ANXA1: variants seen among roughly 807,000 people sequenced by gnomAD.
ANXA1 encodes the protein annexin A1, also known as annexin I (lipocortin I).
In ANXA1, 39 loss-of-function variants were observed where a neutral mutation model predicts 47.9. That is an observed-to-expected ratio of 0.81 (90% CI 0.63 to 1.06). ANXA1 has a LOEUF of 1.06. Among genes scored for constraint, ANXA1 ranks in the 50% least tolerant of loss-of-function variants. ANXA1 has a pLI of 0.00. For missense variants in ANXA1, 446 were observed against 422.7 expected (o/e 1.06, Z -0.48); for synonymous variants, 146 against 142.5 (o/e 1.02, Z -0.17).
At chr9:73,162,946 C>T (rs769780400) in intron 7 of ANXA1, 85 bp downstream of exon 7, 7 of 1,075,850 alleles carry the variant, frequency 6.5e-6, no homozygotes, top group Non-Finnish European at 5.5e-6. Flanking sequence ...AAGGGAATAT[C>T]TGAGGCTAGG....
chr9:73,154,281 G>T (rs749789735), intron 1 of ANXA1: 6 of 1,364,722 alleles, frequency 4.4e-6, no homozygotes, highest in South Asian at 3.4e-5. Context: ...AACTCCCTAA[G>T]GCTGGGGTGA....
At chr9:73,157,080 C>T (rs1300997332) in intron 1 of ANXA1, among the ~76,000 whole-genome samples, 1 of 152,076 alleles carries the variant, frequency 6.6e-6, no homozygotes, top group African/African-American at 2.4e-5. Context: ...TACAATTGCA[C>T]CTCTAGGCTT....
Position 73,158,926 on chromosome 9 carries a change from T to C in ANXA1, c.175+123T>C, listed in dbSNP as rs2811223. The C allele has an allele frequency of 2.5e-3, 2,016 of 821,870 alleles. 39 individuals are homozygous for C. The African/African-American group carries it at 0.032, about 13-fold the overall frequency. 50.9% of individuals were successfully genotyped at this position (821,870 alleles called of 1,614,324 possible). A position where few individuals can be genotyped will look rare whatever the true frequency, so the allele number is the denominator to read the frequency against. On this transcript the variant is annotated intron_variant, in intron 3 of 12. Transcript: ENST00000257497. ...TTCATTTTGAAGATAAAAACATTTC[T>C]TTGCCAAACGAAGATGTAATTATTT...
intron 1 of ANXA1, chr9:73,157,653 C>CAAAAAAAAAAAAAAAAAAAA (rs373035373): frequency 2.3e-5 from 1 of 42,634 alleles, no homozygotes. Flanking sequence ...GACTCCATCT[C>CAAAAAAAAAAAAAAAAAAAA]AAAAAAAAAA....
In ANXA1 at chr9:73,167,510, A is replaced by AAGCAAACC; in HGVS notation, c.820_827dup (p.Phe277AsnfsTer13). ...CTTCTCTAACAGTGAAGTGCGCCAC[A>AAGCAAACC]AGCAAACCAGCTTTCTTTGCAGAGA... On this transcript the variant is annotated frameshift_variant, in exon 11 of 13. Coordinates refer to ENST00000257497, the MANE Select transcript of ANXA1 (RefSeq NM_000700.3). LOFTEE classifies it high-confidence loss of function. The AAGCAAACC allele has an allele frequency of 6.2e-7, 1 of 1,613,482 alleles. No homozygotes were observed. Among genetic ancestry groups the AAGCAAACC allele is most frequent in the Non-Finnish European group, 8.5e-7 (1 of 1,179,552 alleles).
chr9:73,156,121 T>TAATA (rs1554673366), intron 1 of ANXA1, among the ~76,000 whole-genome samples: 8 of 140,078 alleles, frequency 5.7e-5, no homozygotes, highest in East Asian at 4.0e-4. Context: ...ATAATAATAA[T>TAATA]AATAAATAAA....
intron 9 of ANXA1, 148 bp from the exon 10 acceptor site, chr9:73,165,949 C>A: frequency 1.7e-6 from 1 of 574,324 alleles, no homozygotes; most frequent in Non-Finnish European, 3.1e-6. Flanking sequence ...GAAGTATTCA[C>A]GTTATGATTA....
chr9:73,154,244 ATGCACAAGGCCG>A, intron 1 of ANXA1: 2 of 1,249,282 alleles, frequency 1.6e-6, no homozygotes, highest in Non-Finnish European at 2.2e-6. Flanking sequence ...AGGAAAAACT[ATGCACAAGGCCG>A]TGCATTTAAA....
At chr9:73,160,651 C>A in intron 5 of ANXA1, 152 bp from the exon 6 acceptor site, 1 of 617,694 alleles carries the variant, frequency 1.6e-6, no homozygotes, top group Admixed American at 3.0e-5. Flanking sequence ...TGTTTTAGGG[C>A]AATGTAATAG....
At chr9:73,157,620 C>T (rs1381206737) in intron 1 of ANXA1, 1 of 144,162 alleles carries the variant, frequency 6.9e-6, no homozygotes, top group African/African-American at 2.6e-5. Context: ...CACCACTGCA[C>T]TCCAGCCTGG....
chr9:73,163,537 G>A lies in ANXA1; in HGVS notation c.612+5G>A. 6.2e-7 allele frequency: 1 copy of A among 1,612,570 alleles called. No individual in the cohort carries two copies. The highest frequency in any genetic ancestry group is 8.5e-7 in the Non-Finnish European group (1 of 1,178,994). ...TTGGCTGATTCAGATGCCAGGGTAA[G>A]GAAGTGCTTACAAAATACTGCTGCA... On this transcript the variant is annotated splice_donor_5th_base_variant and intron_variant, in intron 8 of 12. Transcript: ENST00000257497.
At position 73,166,113 on chromosome 9, in the gene ANXA1, C is replaced by A. The variant is rs1172095433; in HGVS notation, c.723C>A (p.Thr241=). 5.0e-6 allele frequency: 8 copies of A among 1,608,678 alleles called. No individual in the cohort carries two copies. The highest frequency in any genetic ancestry group is 6.8e-6 in the Non-Finnish European group (8 of 1,177,582). The change falls in exon 10 of 13, where the codon ACC becomes ACA. Residue 241 remains threonine (T), a synonymous_variant. Transcript: ENST00000257497. ...PQLRRVFQKY[T]KYSKHDMNKV... Reference sequence around the variant, plus strand: ...AATATTCAGTGTTTCAGAAATACACCAAGTACAGTAAGCATGACATGAACA... The same window carrying A: ...AATATTCAGTGTTTCAGAAATACACAAAGTACAGTAAGCATGACATGAACA...
chr9:73,154,931 A>G (rs2118132008), intron 1 of ANXA1, among the ~76,000 whole-genome samples: 1 of 152,292 alleles, frequency 6.6e-6, no homozygotes, highest in East Asian at 1.9e-4. Context: ...ATAGTTCTAG[A>G]TTGTAACCAG....
intron 6 of ANXA1, 56 bp from the exon 7 acceptor site, chr9:73,162,725 AT>A: frequency 1.5e-6 from 2 of 1,328,976 alleles, no homozygotes; most frequent in Non-Finnish European, 2.1e-6. Flanking sequence ...GATGTCAGAT[AT>A]TCTTATTATT....
At chr9:73,169,997 A>T (rs1563965413) in intron 12 of ANXA1, 54 bp from the exon 13 acceptor site, 6 of 1,353,390 alleles carry the variant, frequency 4.4e-6, no homozygotes, top group Middle Eastern at 2.0e-4. Flanking sequence ...GTAAAAAAAA[A>T]TAGAGAATTA....
intron 11 of ANXA1, 110 bp downstream of exon 11, chr9:73,167,665 G>A: frequency 1.0e-6 from 1 of 997,570 alleles, no homozygotes; most frequent in Admixed American, 2.3e-5. Flanking sequence ...TCCCATTAAT[G>A]AGAATCATTG....
At chr9:73,166,771 C>G (rs528615773) in intron 10 of ANXA1, among the ~76,000 whole-genome samples, 1 of 152,224 alleles carries the variant, frequency 6.6e-6, no homozygotes, top group African/African-American at 2.4e-5. Flanking sequence ...TCTGATTCCC[C>G]AGGTCTGGGG....
chr9:73,164,838 G>C (rs150166089), intron 8 of ANXA1, among the ~76,000 whole-genome samples: 231 of 152,206 alleles, frequency 1.5e-3, no homozygotes, highest in Admixed American at 3.9e-3. Context: ...TCTTACTATA[G>C]AGCATAATCT....
At chr9:73,167,177 A>G (rs940025997) in intron 10 of ANXA1, among the ~76,000 whole-genome samples, 1 of 152,146 alleles carries the variant, frequency 6.6e-6, no homozygotes, top group Non-Finnish European at 1.5e-5. Flanking sequence ...AAGTATTTAC[A>G]TAGGCTTGAA....
Sources: allele counts gnomAD v4.1 joint callset (sites outside exome capture counted in the v4.1 genomes callset), GRCh38; gene constraint gnomAD v4.1.1; transcripts MANE v1.5; gene names NCBI Gene and HGNC (gene_info 2026-07-23, HGNC 2026-07-21).